MOB3B: variants seen among roughly 807,000 people sequenced by gnomAD.
MOB3B encodes MOB kinase activator-like 2B.
MOB3B carries 7 observed loss-of-function variants against 18.7 expected under a neutral mutation model. That is an observed-to-expected ratio of 0.37 (90% CI 0.21 to 0.70). The LOEUF (loss-of-function observed/expected upper bound fraction) is 0.70. Among genes scored for constraint, MOB3B ranks in the 30% least tolerant of loss-of-function variants. MOB3B has a pLI of 0.52. For missense variants in MOB3B, 253 were observed against 281.3 expected, an observed-to-expected ratio of 0.90 and a Z score of 0.72; for synonymous variants, 111 against 99.9, an observed-to-expected ratio of 1.11 and a Z score of -0.66.
At chr9:27,339,316 G>C (rs1330676410) in intron 3 of MOB3B, among the ~76,000 whole-genome samples, 1 of 152,194 alleles carries the variant, frequency 6.6e-6, no homozygotes, top group Non-Finnish European at 1.5e-5. Context: ...ATCTGGGAGA[G>C]AGAATTCCAG....
chr9:27,446,486 T>C (rs1822694439), intron 2 of MOB3B, among the ~76,000 whole-genome samples: 1 of 152,226 alleles, frequency 6.6e-6, no homozygotes. Flanking sequence ...ATCCCATGAA[T>C]GTCTACCTTT....
chr9:27,518,433 C>T (rs1731452367), intron 1 of MOB3B, among the ~76,000 whole-genome samples: 1 of 152,186 alleles, frequency 6.6e-6, no homozygotes, highest in Non-Finnish European at 1.5e-5. Flanking sequence ...GTAAAAGCCC[C>T]ATTCGGGCTC....
chr9:27,412,081 G>T (rs1430058677), intron 2 of MOB3B, among the ~76,000 whole-genome samples: 3 of 149,614 alleles, frequency 2.0e-5, no homozygotes, highest in African/African-American at 7.4e-5. Context: ...AAGGAGAAAC[G>T]AAATAATTCA....
intron 1 of MOB3B, among the ~76,000 whole-genome samples, chr9:27,514,508 G>C (rs1487070826): frequency 6.6e-6 from 1 of 152,200 alleles, no homozygotes; most frequent in African/African-American, 2.4e-5. Flanking sequence ...TGACAGAATA[G>C]TTTTGTTTTC....
intron 1 of MOB3B, among the ~76,000 whole-genome samples, chr9:27,477,478 T>C (rs1296225630): frequency 6.6e-6 from 1 of 152,248 alleles, no homozygotes; most frequent in Admixed American, 6.5e-5. Flanking sequence ...TTATTGTTTG[T>C]TTTGTCTTTC....
intron 1 of MOB3B, among the ~76,000 whole-genome samples, chr9:27,525,450 C>CG (rs1035188220): frequency 7.2e-5 from 11 of 152,076 alleles, no homozygotes; most frequent in Non-Finnish European, 1.3e-4. Flanking sequence ...CCCTCCTGCT[C>CG]GGGGGGAAAA....
intron 1 of MOB3B, among the ~76,000 whole-genome samples, chr9:27,509,591 A>G (rs891647869): frequency 6.7e-6 from 1 of 150,238 alleles, no homozygotes; most frequent in East Asian, 2.0e-4. Context: ...TAATTTTTGT[A>G]TTTTCAGTAG....
At chr9:27,493,087 G>C (rs1399852618) in intron 1 of MOB3B, among the ~76,000 whole-genome samples, 1 of 152,174 alleles carries the variant, frequency 6.6e-6, no homozygotes, top group Non-Finnish European at 1.5e-5. Context: ...CCTTGATCAA[G>C]AGTGGGCTCA....
intron 1 of MOB3B, among the ~76,000 whole-genome samples, chr9:27,477,367 G>T (rs1169882361): frequency 6.6e-6 from 1 of 152,136 alleles, no homozygotes; most frequent in Admixed American, 6.5e-5. Flanking sequence ...GGTTTCCTTT[G>T]CCACCCTAAT....
At chr9:27,388,906 TC>T (rs1238337230) in intron 2 of MOB3B, among the ~76,000 whole-genome samples, 3 of 152,276 alleles carry the variant, frequency 2.0e-5, no homozygotes, top group African/African-American at 7.2e-5. Flanking sequence ...CTTGAAAGTT[TC>T]CTCTTCCCTC....
intron 2 of MOB3B, among the ~76,000 whole-genome samples, chr9:27,428,791 T>C (rs1257787949): frequency 6.6e-6 from 1 of 152,160 alleles, no homozygotes; most frequent in East Asian, 1.9e-4. Context: ...GGGGACCATG[T>C]GGGCTGGAAC....
chr9:27,495,237 A>C (rs149255638), intron 1 of MOB3B, among the ~76,000 whole-genome samples: 1 of 152,210 alleles, frequency 6.6e-6, no homozygotes, highest in East Asian at 1.9e-4. Context: ...AGGCTGAGGC[A>C]GAAGGATCAC....
At chr9:27,478,762 C>G (rs895022776) in intron 1 of MOB3B, among the ~76,000 whole-genome samples, 1 of 150,152 alleles carries the variant, frequency 6.7e-6, no homozygotes, top group Non-Finnish European at 1.5e-5. Context: ...TAAAGCAATA[C>G]ATATGTTCTT....
chr9:27,333,247 T>A (rs1245717809), intron 3 of MOB3B, among the ~76,000 whole-genome samples: 1 of 151,902 alleles, frequency 6.6e-6, no homozygotes, highest in Non-Finnish European at 1.5e-5. Context: ...AAATAGCAGA[T>A]CAGAAACATC....
At chr9:27,520,387 C>G (rs1342830275) in intron 1 of MOB3B, among the ~76,000 whole-genome samples, 1 of 152,180 alleles carries the variant, frequency 6.6e-6, no homozygotes, top group Non-Finnish European at 1.5e-5. Context: ...TCATGGAAAC[C>G]ATGTTAGCAT....
At chr9:27,432,173 G>T (rs147348062) in intron 2 of MOB3B, among the ~76,000 whole-genome samples, 4 of 152,250 alleles carry the variant, frequency 2.6e-5, no homozygotes, top group African/African-American at 9.6e-5. Context: ...TAGATCCAAG[G>T]TTTCACTTCC....
At chr9:27,517,817 CAA>C (rs1464458531) in intron 1 of MOB3B, among the ~76,000 whole-genome samples, 3 of 151,668 alleles carry the variant, frequency 2.0e-5, no homozygotes, top group Admixed American at 2.0e-4. Context: ...AAATGGAAAA[CAA>C]AGAAAACAAA....
intron 2 of MOB3B, among the ~76,000 whole-genome samples, chr9:27,439,394 C>G (rs950099213): frequency 1.3e-5 from 2 of 152,070 alleles, no homozygotes; most frequent in Admixed American, 6.6e-5. Flanking sequence ...AAAGACATAC[C>G]ATACATACAT....
At chr9:27,429,915 G>T (rs1242539683) in intron 2 of MOB3B, among the ~76,000 whole-genome samples, 5 of 152,182 alleles carry the variant, frequency 3.3e-5, no homozygotes, top group Non-Finnish European at 7.3e-5. Context: ...TGTGCTGAGG[G>T]TTAGAAGATC....
Sources: allele counts gnomAD v4.1 joint callset (sites outside exome capture counted in the v4.1 genomes callset), GRCh38; gene constraint gnomAD v4.1.1; transcripts MANE v1.5; gene names NCBI Gene and HGNC (gene_info 2026-07-23, HGNC 2026-07-21).